LRRC4C: variants seen among roughly 807,000 people sequenced by gnomAD.
LRRC4C encodes leucine rich repeat containing 4C, also known as leucine-rich repeat-containing protein 4C.
Under a neutral mutation model 33.6 loss-of-function variants are expected in LRRC4C, and 5 were observed. The observed-to-expected ratio is 0.15, with a 90% CI of 0.08 to 0.31. The LOEUF is 0.31. LRRC4C is among the 10% of genes least tolerant of loss of function. The pLI, the probability that LRRC4C is intolerant of heterozygous loss-of-function variation, is 1.00. For missense variants in LRRC4C, 560 were observed against 796.7 expected (o/e 0.70, Z 3.58); for synonymous variants, 329 against 302.0 (o/e 1.09, Z -0.93).
intron 2 of LRRC4C, among the ~76,000 whole-genome samples, chr11:40,887,667 G>T (rs560248267): frequency 3.3e-5 from 5 of 152,102 alleles, no homozygotes; most frequent in South Asian, 4.1e-4. Flanking sequence ...GTTTGGAAGA[G>T]AAATTAAAAG....
At chr11:40,576,186 T>C (rs1233934460) in intron 3 of LRRC4C, among the ~76,000 whole-genome samples, 1 of 152,200 alleles carries the variant, frequency 6.6e-6, no homozygotes, top group Non-Finnish European at 1.5e-5. Context: ...ATAAAACACC[T>C]GTTTGGACTA....
At chr11:40,229,464 G>A (rs895488764) in intron 5 of LRRC4C, among the ~76,000 whole-genome samples, 1 of 151,868 alleles carries the variant, frequency 6.6e-6, no homozygotes. Context: ...GTAGAAACGG[G>A]GTTTTACCAT....
intron 4 of LRRC4C, among the ~76,000 whole-genome samples, chr11:40,316,356 G>C (rs1945572440): frequency 6.6e-6 from 1 of 152,028 alleles, no homozygotes; most frequent in Non-Finnish European, 1.5e-5. Context: ...GAATGAATCA[G>C]AAACCTGACA....
chr11:40,276,674 AGTGTGTGTGTGTGTGT>A lies in LRRC4C; in HGVS notation c.-175-35092_-175-35077del, dbSNP rs56155922. On this transcript the variant is annotated intron_variant, in intron 4 of 6. Transcript: ENST00000528697. Reference sequence around the variant, plus strand: ...CCCGGAGATAAATTGGTGGGAAACAAGTGTGTGTGTGTGTGTGTGTGTGTGTGTGTGTGTGTGTGTG... The same window carrying A: ...CCCGGAGATAAATTGGTGGGAAACAAGTGTGTGTGTGTGTGTGTGTGTGTG... Among the ~76,000 whole-genome samples the A allele has an allele frequency of 1.7e-3, 222 of 127,642 alleles. 3 individuals carry two copies. Among genetic ancestry groups the A allele is most frequent in the African/African-American group, 6.0e-3 (203 of 33,616 alleles). The allele number at this position is 127,642 out of a possible 152,430, so 83.7% of individuals were successfully genotyped here. A position where few individuals can be genotyped will look rare whatever the true frequency, so the allele number is the denominator to read the frequency against.
intron 2 of LRRC4C, among the ~76,000 whole-genome samples, chr11:40,683,806 AGT>A (rs1438131419): frequency 6.6e-6 from 1 of 152,240 alleles, no homozygotes; most frequent in Non-Finnish European, 1.5e-5. Context: ...TCCACCCACC[AGT>A]ACAGAGGGCC....
chr11:40,642,175 T>C (rs2136095261), intron 3 of LRRC4C, among the ~76,000 whole-genome samples: 1 of 151,582 alleles, frequency 6.6e-6, no homozygotes, highest in South Asian at 2.1e-4. Flanking sequence ...GAGTGTGTGA[T>C]TTAAGGCATT....
chr11:41,125,843 C>A (rs966977969), intron 1 of LRRC4C, among the ~76,000 whole-genome samples: 3 of 152,024 alleles, frequency 2.0e-5, no homozygotes. Context: ...ATTGAAAAGA[C>A]CATTACATAC....
chr11:40,238,137 G>T (rs1865691246), intron 5 of LRRC4C, among the ~76,000 whole-genome samples: 1 of 152,068 alleles, frequency 6.6e-6, no homozygotes, highest in Non-Finnish European at 1.5e-5. Flanking sequence ...ATCTTCCAAG[G>T]GTAGGCAACA....
chr11:40,578,156 T>TTTTTTTTTTTTTTTTTTTTTTTTC (rs1958298335), intron 3 of LRRC4C, among the ~76,000 whole-genome samples: 1 of 133,016 alleles, frequency 7.5e-6, no homozygotes, highest in Non-Finnish European at 1.6e-5. Flanking sequence ...TTTTTTTTTT[T>TTTTTTTTTTTTTTTTTTTTTTTTC]TTTTTTTTTT....
intron 3 of LRRC4C, among the ~76,000 whole-genome samples, chr11:40,537,596 C>A (rs1309919545): frequency 6.6e-6 from 1 of 152,148 alleles, no homozygotes; most frequent in Non-Finnish European, 1.5e-5. Flanking sequence ...ATTTAAATCA[C>A]CCTTTTCTAT....
chr11:40,819,218 A>T (rs1451309724), intron 2 of LRRC4C, among the ~76,000 whole-genome samples: 2 of 152,146 alleles, frequency 1.3e-5, no homozygotes, highest in African/African-American at 4.8e-5. Context: ...AATTAAGAAG[A>T]TAGGCAAAAT....
Position 40,563,126 on chromosome 11 carries a change from G to A in LRRC4C, c.-270+85016C>T, listed in dbSNP as rs11035924. 6.6e-3 allele frequency among the ~76,000 whole-genome samples: 1,007 copies of A among 152,184 alleles called. 16 individuals are homozygous for A. Among genetic ancestry groups the A allele is most frequent in the African/African-American group, 0.023 (965 of 41,512 alleles). On this transcript the variant is annotated intron_variant, in intron 3 of 6. Transcript: ENST00000528697. The stretch of plus-strand genomic sequence containing the variant: ...AGGACCCAAAAATGACACTCAAAGA[G>A]TGGTTTGAGAAAGTATGTAATGAGA...
intron 2 of LRRC4C, among the ~76,000 whole-genome samples, chr11:40,809,160 T>G (rs925612416): frequency 3.3e-5 from 5 of 152,148 alleles, no homozygotes; most frequent in African/African-American, 2.4e-5. Flanking sequence ...CAGTAAAACT[T>G]CTCAAAATAG....
chr11:41,108,387 T>C (rs1191411131), intron 1 of LRRC4C, among the ~76,000 whole-genome samples: 1 of 152,126 alleles, frequency 6.6e-6, no homozygotes, highest in Admixed American at 6.6e-5. Context: ...TACATTTTAA[T>C]TTACAAACTA....
At chr11:40,526,907 A>G (rs1182098496) in intron 3 of LRRC4C, among the ~76,000 whole-genome samples, 2 of 152,196 alleles carry the variant, frequency 1.3e-5, no homozygotes, top group Non-Finnish European at 2.9e-5. Flanking sequence ...ATAAACAGGT[A>G]GATGAATAGA....
intron 1 of LRRC4C, among the ~76,000 whole-genome samples, chr11:41,230,218 A>G (rs1257730436): frequency 6.6e-6 from 1 of 152,074 alleles, no homozygotes; most frequent in East Asian, 1.9e-4. Context: ...TTATACATCC[A>G]TTGTGAACCT....
intron 3 of LRRC4C, among the ~76,000 whole-genome samples, chr11:40,480,358 T>A (rs897693579): frequency 1.3e-5 from 2 of 150,832 alleles, no homozygotes; most frequent in African/African-American, 4.9e-5. Context: ...TAAATAAAAA[T>A]AAAAATAAAA....
At position 40,713,456 on chromosome 11, in the gene LRRC4C, T is replaced by C. The variant is rs1022496003; in HGVS notation, c.-406-65178A>G. ...TGGAAAACTCAGGAGATATGCAGAC[T>C]AATATGTCAGGATTAGAAGCCCGCT... On this transcript the variant is annotated intron_variant, in intron 2 of 6. Transcript: ENST00000528697. 3.4e-4 allele frequency among the ~76,000 whole-genome samples: 51 copies of C among 152,202 alleles called. 1 individual carries two copies. The highest frequency in any genetic ancestry group is 1.0e-4 in the Non-Finnish European group (7 of 68,040).
At chr11:41,095,931 C>T (rs982420595) in intron 1 of LRRC4C, among the ~76,000 whole-genome samples, 21 of 152,090 alleles carry the variant, frequency 1.4e-4, no homozygotes, top group Non-Finnish European at 2.5e-4. Flanking sequence ...TGTTAACTCC[C>T]GCTGTGCTAG....
Sources: gnomAD v4.1 joint callset for allele counts (sites outside exome capture counted in the v4.1 genomes callset) on GRCh38, gnomAD v4.1.1 for gene constraint, MANE v1.5 for transcripts, NCBI Gene and HGNC (gene_info 2026-07-23, HGNC 2026-07-21) for gene names.